Variants in GABRB3 observed in about 807,000 individuals in gnomAD.
The protein encoded by GABRB3 is gamma-aminobutyric acid type A receptor subunit beta3, also known as gamma-aminobutyric acid receptor subunit beta-3.
In GABRB3, 14 loss-of-function variants were observed where a neutral mutation model predicts 52.1. The ratio of observed to expected loss-of-function variants is 0.27; its 90% CI spans 0.18 to 0.42. GABRB3 has a LOEUF of 0.42. GABRB3 is among the 10% of genes least tolerant of loss of function. The pLI is 1.00. For synonymous variants in GABRB3, 260 were observed against 232.3 expected, an observed-to-expected ratio of 1.12 and a Z score of -1.08; for missense variants, 307 against 609.1, an observed-to-expected ratio of 0.50 and a Z score of 5.22.
intron 3 of GABRB3, among the ~76,000 whole-genome samples, chr15:26,650,985 T>C (rs1566791070): frequency 6.6e-6 from 1 of 152,148 alleles, no homozygotes; most frequent in Non-Finnish European, 1.5e-5. Context: ...CCTTCAACTG[T>C]CTGTGCGACC....
chr15:26,615,145 G>A (rs560397620), intron 4 of GABRB3: 255 of 318,072 alleles, frequency 8.0e-4, no homozygotes, highest in Non-Finnish European at 1.1e-3. Flanking sequence ...GAAAAGGGAT[G>A]ATAACTCTGC....
At chr15:26,658,038 G>A (rs139571668) in intron 3 of GABRB3, among the ~76,000 whole-genome samples, 139 of 152,258 alleles carry the variant, frequency 9.1e-4, no homozygotes, top group South Asian at 6.2e-4. Context: ...TTGCTCCTAC[G>A]GATAACTAGT....
chr15:26,753,331 C>A lies in GABRB3; in HGVS notation c.240+19071G>T, dbSNP rs115447156. ...ATAATACTGTGTAAGAGGAACCAGA[C>A]CACAGGAGATTCACAGGTGAAAGAC... On this transcript the variant is annotated intron_variant, in intron 3 of 8. Transcript: ENST00000311550. Among the ~76,000 whole-genome samples the A allele has an allele frequency of 6.9e-3, 1,058 of 152,272 alleles. 17 individuals are homozygous for A. Among genetic ancestry groups the A allele is most frequent in the African/African-American group, 0.025 (1,019 of 41,560 alleles).
chr15:26,764,415 T>C (rs950606424), intron 3 of GABRB3, among the ~76,000 whole-genome samples: 1 of 151,958 alleles, frequency 6.6e-6, no homozygotes, highest in Non-Finnish European at 1.5e-5. Context: ...CTTATTCATG[T>C]GAAATGTTAG....
intron 3 of GABRB3, among the ~76,000 whole-genome samples, chr15:26,707,601 T>G (rs1481636184): frequency 6.6e-6 from 1 of 152,116 alleles, no homozygotes; most frequent in African/African-American, 2.4e-5. Context: ...CAATGGTGCA[T>G]TTGAGATGTG....
chr15:26,591,242 T>C (rs968600378), intron 4 of GABRB3, among the ~76,000 whole-genome samples: 4 of 152,168 alleles, frequency 2.6e-5, no homozygotes, highest in Non-Finnish European at 5.9e-5. Context: ...CTTGCGGCAA[T>C]AGATAACCGA....
At chr15:26,740,035 G>T (rs1301288792) in intron 3 of GABRB3, among the ~76,000 whole-genome samples, 1 of 152,068 alleles carries the variant, frequency 6.6e-6, no homozygotes, top group African/African-American at 2.4e-5. Context: ...TTTAAACAAC[G>T]TGTCAACAAA....
At chr15:26,756,916 A>G (rs1477314322) in intron 3 of GABRB3, among the ~76,000 whole-genome samples, 1 of 152,160 alleles carries the variant, frequency 6.6e-6, no homozygotes, top group Non-Finnish European at 1.5e-5. Context: ...GCAGGTTGTA[A>G]CCCTCTTAGA....
At chr15:26,618,511 C>T (rs1892351418) in intron 4 of GABRB3, among the ~76,000 whole-genome samples, 1 of 152,064 alleles carries the variant, frequency 6.6e-6, no homozygotes, top group South Asian at 2.1e-4. Context: ...ATACAAAAAT[C>T]AATTCAAGAT....
chr15:26,641,451 A>G (rs1893198970), intron 3 of GABRB3, among the ~76,000 whole-genome samples: 1 of 152,234 alleles, frequency 6.6e-6, no homozygotes, highest in Admixed American at 6.5e-5. Flanking sequence ...ATTGACTGGC[A>G]TAGCTGAGGT....
At chr15:26,681,536 C>T (rs183172162) in intron 3 of GABRB3, among the ~76,000 whole-genome samples, 16 of 152,174 alleles carry the variant, frequency 1.1e-4, no homozygotes, top group African/African-American at 3.4e-4. Context: ...CTGTCCTTCT[C>T]GATGTTTTCA....
rs1891176038 is a variant in GABRB3, at chr15:26,772,470, C to T, written c.173-1G>A. The T allele has an allele frequency of 6.2e-7, 1 of 1,610,164 alleles. No individual in the cohort carries two copies. Among genetic ancestry groups the T allele is most frequent in the Non-Finnish European group, 8.5e-7 (1 of 1,178,318 alleles). On this transcript the variant is annotated splice_acceptor_variant, in intron 2 of 8. Transcript: ENST00000311550. LOFTEE classifies it high-confidence loss of function. ...TTCATCCCCACGCAGACCGGGGGACCTGCGGGAAGCACAGGACACGGCGAT... is the reference window on the plus strand; with the variant it reads ...TTCATCCCCACGCAGACCGGGGGACTTGCGGGAAGCACAGGACACGGCGAT...
chr15:26,653,116 T>C (rs1260381611), intron 3 of GABRB3, among the ~76,000 whole-genome samples: 1 of 152,186 alleles, frequency 6.6e-6, no homozygotes, highest in Non-Finnish European at 1.5e-5. Context: ...AGAAACTTAG[T>C]TTATAGTTTA....
At chr15:26,564,235 T>C (rs1409272714) in intron 7 of GABRB3, among the ~76,000 whole-genome samples, 2 of 152,194 alleles carry the variant, frequency 1.3e-5, no homozygotes, top group African/African-American at 2.4e-5. Context: ...TTCAAAACAC[T>C]TCTGGTCCCA....
intron 3 of GABRB3, among the ~76,000 whole-genome samples, chr15:26,749,205 T>G (rs1372699446): frequency 6.6e-6 from 1 of 152,128 alleles, no homozygotes; most frequent in Non-Finnish European, 1.5e-5. Flanking sequence ...CACTCCAAAT[T>G]TTGATATGCT....
intron 6 of GABRB3, among the ~76,000 whole-genome samples, chr15:26,578,377 A>C (rs1346956373): frequency 6.6e-6 from 1 of 152,222 alleles, no homozygotes; most frequent in African/African-American, 2.4e-5. Flanking sequence ...TGCTGGAAGG[A>C]AGACATGATA....
intron 4 of GABRB3, among the ~76,000 whole-genome samples, chr15:26,591,608 T>A (rs1314353291): frequency 6.6e-6 from 1 of 152,186 alleles, no homozygotes; most frequent in Non-Finnish European, 1.5e-5. Context: ...TGAAAGGAAC[T>A]GCCCAGAGGG....
At chr15:26,772,254 G>A (rs760650068) in intron 3 of GABRB3, 148 bp downstream of exon 3, 2 of 645,884 alleles carry the variant, frequency 3.1e-6, no homozygotes, top group South Asian at 2.1e-5. Flanking sequence ...GGCAAGCGAG[G>A]GGCCGGCGCC....
intron 3 of GABRB3, among the ~76,000 whole-genome samples, chr15:26,661,395 C>T (rs1488950732): frequency 2.0e-5 from 3 of 152,168 alleles, no homozygotes; most frequent in African/African-American, 7.2e-5. Context: ...TCTTAAGTAT[C>T]TAACACACTT....
Sources: allele counts gnomAD v4.1 joint callset (sites outside exome capture counted in the v4.1 genomes callset), GRCh38; gene constraint gnomAD v4.1.1; transcripts MANE v1.5; gene names NCBI Gene and HGNC (gene_info 2026-07-23, HGNC 2026-07-21).